LHFPL3: variants seen among roughly 807,000 people sequenced by gnomAD.
LHFPL3 encodes LHFPL tetraspan subfamily member 3 protein.
LHFPL3 carries 5 observed loss-of-function variants against 19.3 expected under a neutral mutation model. The observed-to-expected ratio is 0.26, with a 90% confidence interval of 0.14 to 0.54. The LOEUF is 0.54. LHFPL3 is among the 20% of genes least tolerant of loss of function. The pLI is 0.94. For missense variants in LHFPL3, 249 were observed against 307.4 expected, an observed-to-expected ratio of 0.81 and a Z score of 1.42; for synonymous variants, 133 against 126.2, an observed-to-expected ratio of 1.05 and a Z score of -0.36.
intron 2 of LHFPL3, among the ~76,000 whole-genome samples, chr7:104,778,119 G>C (rs1000978520): frequency 2.0e-5 from 3 of 152,204 alleles, no homozygotes; most frequent in Admixed American, 6.5e-5. Context: ...ACCTATAGGT[G>C]CTATGACCAG....
chr7:104,628,773 C>T (rs757965067), intron 1 of LHFPL3, among the ~76,000 whole-genome samples: 7 of 152,120 alleles, frequency 4.6e-5, no homozygotes, highest in East Asian at 1.9e-4. Flanking sequence ...TTTTAACTAA[C>T]GTTTGGTTCC....
At chr7:104,557,881 A>C (rs923333328) in intron 1 of LHFPL3, among the ~76,000 whole-genome samples, 1 of 136,866 alleles carries the variant, frequency 7.3e-6, no homozygotes, top group African/African-American at 2.8e-5. Context: ...TCCTGTGTCC[A>C]TGTGATCTCA....
At chr7:104,738,063 A>G (rs1424920836) in intron 2 of LHFPL3, among the ~76,000 whole-genome samples, 1 of 152,188 alleles carries the variant, frequency 6.6e-6, no homozygotes, top group Non-Finnish European at 1.5e-5. Flanking sequence ...GCAGAGCAGC[A>G]GTCACCCACA....
At chr7:104,410,644 C>T (rs1791519128) in intron 1 of LHFPL3, among the ~76,000 whole-genome samples, 1 of 152,168 alleles carries the variant, frequency 6.6e-6, no homozygotes, top group Non-Finnish European at 1.5e-5. Flanking sequence ...AGTTATAGCA[C>T]ATTAAAGATT....
chr7:104,447,925 C>G (rs757276944), intron 1 of LHFPL3, among the ~76,000 whole-genome samples: 8 of 152,028 alleles, frequency 5.3e-5, no homozygotes, highest in Non-Finnish European at 1.0e-4. Context: ...ACAAAAATTG[C>G]GATTTTTGTG....
At chr7:104,375,650 C>A (rs1026149352) in intron 1 of LHFPL3, among the ~76,000 whole-genome samples, 15 of 152,056 alleles carry the variant, frequency 9.9e-5, no homozygotes, top group African/African-American at 1.4e-4. Context: ...TTGAAATGTT[C>A]GTAACATTTA....
chr7:104,402,595 C>G (rs1277989049), intron 1 of LHFPL3, among the ~76,000 whole-genome samples: 1 of 152,296 alleles, frequency 6.6e-6, no homozygotes, highest in South Asian at 2.1e-4. Flanking sequence ...ATTTCACCCC[C>G]TCACAATAGA....
chr7:104,714,432 A>C (rs1253825693), intron 1 of LHFPL3, among the ~76,000 whole-genome samples: 1 of 152,210 alleles, frequency 6.6e-6, no homozygotes, highest in Non-Finnish European at 1.5e-5. Flanking sequence ...AAAGCCTAAA[A>C]AAAAACTTTA....
chr7:104,428,879 G>A (rs992333142), intron 1 of LHFPL3, among the ~76,000 whole-genome samples: 62 of 152,008 alleles, frequency 4.1e-4, no homozygotes, highest in African/African-American at 1.4e-3. Context: ...AGATATCTTC[G>A]GAATCTACCC....
intron 1 of LHFPL3, among the ~76,000 whole-genome samples, chr7:104,658,716 G>A (rs979484202): frequency 6.6e-6 from 1 of 152,164 alleles, no homozygotes; most frequent in African/African-American, 2.4e-5. Flanking sequence ...CTTGAACCCA[G>A]GAGGAGGAGG....
intron 1 of LHFPL3, among the ~76,000 whole-genome samples, chr7:104,530,453 G>T (rs1213610516): frequency 6.6e-6 from 1 of 152,208 alleles, no homozygotes. Context: ...CAGACTGAGA[G>T]TACGGATGGT....
At chr7:104,789,471 C>T (rs1187379209) in intron 2 of LHFPL3, among the ~76,000 whole-genome samples, 2 of 152,158 alleles carry the variant, frequency 1.3e-5, no homozygotes, top group Admixed American at 6.6e-5. Context: ...AATCAGTCTT[C>T]AGCTATCTTC....
chr7:104,697,064 A>G (rs1341900805), intron 1 of LHFPL3, among the ~76,000 whole-genome samples: 1 of 152,188 alleles, frequency 6.6e-6, no homozygotes, highest in African/African-American at 2.4e-5. Flanking sequence ...AAGGGGTGAG[A>G]GAGCTCTCCA....
At chr7:104,461,103 GA>G (rs1792653645) in intron 1 of LHFPL3, among the ~76,000 whole-genome samples, 2 of 152,192 alleles carry the variant, frequency 1.3e-5, no homozygotes, top group African/African-American at 4.8e-5. Context: ...GAGGCCTCAG[GA>G]AACTTACAAT....
chr7:104,744,709 T>G (rs1227579460), intron 2 of LHFPL3, among the ~76,000 whole-genome samples: 1 of 152,202 alleles, frequency 6.6e-6, no homozygotes, highest in Non-Finnish European at 1.5e-5. Context: ...TGCGCAACTT[T>G]CAATCCTTAT....
At chr7:104,448,977 T>A (rs778644404) in intron 1 of LHFPL3, among the ~76,000 whole-genome samples, 26 of 152,216 alleles carry the variant, frequency 1.7e-4, no homozygotes, top group Non-Finnish European at 2.4e-4. Context: ...ATAGAGTTAC[T>A]TTCACAAACG....
chr7:104,582,168 T>A (rs899565493), intron 1 of LHFPL3, among the ~76,000 whole-genome samples: 2 of 151,942 alleles, frequency 1.3e-5, no homozygotes, highest in Non-Finnish European at 2.9e-5. Flanking sequence ...GATTTGTACA[T>A]CTTTTTAAAA....
At chr7:104,605,038 C>T (rs1263319385) in intron 1 of LHFPL3, among the ~76,000 whole-genome samples, 2 of 152,230 alleles carry the variant, frequency 1.3e-5, no homozygotes, top group African/African-American at 4.8e-5. Flanking sequence ...TATCAAATGA[C>T]TCTCAGTAAA....
chr7:104,499,051 A>T (rs1793547137), intron 1 of LHFPL3, among the ~76,000 whole-genome samples: 1 of 152,196 alleles, frequency 6.6e-6, no homozygotes, highest in Non-Finnish European at 1.5e-5. Flanking sequence ...CATTCATAAA[A>T]ATGAAGCATG....
Sources: allele counts gnomAD v4.1 joint callset (sites outside exome capture counted in the v4.1 genomes callset), GRCh38; gene constraint gnomAD v4.1.1; transcripts MANE v1.5; gene names NCBI Gene and HGNC (gene_info 2026-07-23, HGNC 2026-07-21).